PIP5K1B: variants seen among roughly 807,000 people sequenced by gnomAD.
PIP5K1B encodes phosphatidylinositol-4-phosphate 5-kinase type 1 beta, also known as phosphatidylinositol 4-phosphate 5-kinase type-1 beta.
A neutral mutation model predicts 67.0 loss-of-function variants in PIP5K1B; 42 were observed. The ratio of observed to expected loss-of-function variants is 0.63; its 90% CI spans 0.49 to 0.81. The LOEUF (loss-of-function observed/expected upper bound fraction) is 0.81, where lower values mean the gene tolerates loss of function less well. Among genes scored for constraint, PIP5K1B ranks in the 30% least tolerant of loss-of-function variants. PIP5K1B has a pLI of 0.00. For synonymous variants in PIP5K1B, 214 were observed against 231.4 expected (o/e 0.92, Z 0.68); for missense variants, 459 against 646.3 (o/e 0.71, Z 3.14).
At chr9:68,787,244 C>G (rs1831677487) in intron 2 of PIP5K1B, among the ~76,000 whole-genome samples, 1 of 152,210 alleles carries the variant, frequency 6.6e-6, no homozygotes, top group Admixed American at 6.5e-5. Context: ...AGGCCACCTT[C>G]TCACTGACGA....
At chr9:69,004,337 T>TGTGTG (rs1564311765) in intron 15 of PIP5K1B, among the ~76,000 whole-genome samples, 9,007 of 148,260 alleles carry the variant, frequency 0.061, 329 homozygotes, top group Middle Eastern at 0.083. Context: ...GTGTGTGTTT[T>TGTGTG]TGTGTGTGTG....
chr9:68,957,344 T>G (rs1466440135), intron 14 of PIP5K1B, among the ~76,000 whole-genome samples: 1 of 152,014 alleles, frequency 6.6e-6, no homozygotes, highest in East Asian at 1.9e-4. Flanking sequence ...TGGCCAGAAG[T>G]GGATCGCATG....
chr9:68,723,695 G>GTTTTTTTTTTTTT (rs36021674), intron 1 of PIP5K1B, among the ~76,000 whole-genome samples: 13 of 50,128 alleles, frequency 2.6e-4, no homozygotes, highest in South Asian at 9.8e-4. Context: ...GAAGTATTTG[G>GTTTTTTTTTTTTT]TTTTTTTTTT....
intron 4 of PIP5K1B, among the ~76,000 whole-genome samples, chr9:68,841,331 C>T (rs890821671): frequency 1.3e-5 from 2 of 152,168 alleles, no homozygotes; most frequent in African/African-American, 4.8e-5. Flanking sequence ...ACGATGTGGC[C>T]CCCTTCATTT....
chr9:68,971,224 T>TA (rs2132826380), intron 14 of PIP5K1B, among the ~76,000 whole-genome samples: 1 of 152,282 alleles, frequency 6.6e-6, no homozygotes, highest in Non-Finnish European at 1.5e-5. Context: ...AATTCCCACT[T>TA]ACGAGTGAGA....
chr9:68,822,504 C>A, intron 3 of PIP5K1B, 111 bp from the exon 4 acceptor site: 1 of 718,142 alleles, frequency 1.4e-6, no homozygotes, highest in Non-Finnish European at 2.3e-6. Flanking sequence ...ACAGCAATAG[C>A]AATAACAAAA....
intron 4 of PIP5K1B, among the ~76,000 whole-genome samples, chr9:68,844,841 T>C (rs189669480): frequency 6.6e-6 from 1 of 152,328 alleles, no homozygotes; most frequent in African/African-American, 2.4e-5. Context: ...GAAAAATGAC[T>C]GCCTGTTCTC....
At chr9:68,777,190 C>A (rs914167279) in intron 2 of PIP5K1B, among the ~76,000 whole-genome samples, 1 of 152,172 alleles carries the variant, frequency 6.6e-6, no homozygotes, top group African/African-American at 2.4e-5. Flanking sequence ...TAATAGAGTT[C>A]TCTTCCCTTT....
chr9:68,936,996 G>A (rs1048567643), intron 13 of PIP5K1B, among the ~76,000 whole-genome samples: 1 of 152,132 alleles, frequency 6.6e-6, no homozygotes, highest in African/African-American at 2.4e-5. Flanking sequence ...TTGATGTGCC[G>A]CTAGATTCGG....
intron 2 of PIP5K1B, among the ~76,000 whole-genome samples, chr9:68,756,031 CTAT>C (rs1829908270): frequency 6.6e-6 from 1 of 152,312 alleles, no homozygotes; most frequent in African/African-American, 2.4e-5. Context: ...TGATTACAGA[CTAT>C]TAACAGTGTA....
chr9:68,706,992 G>A (rs1179975565), intron 1 of PIP5K1B, among the ~76,000 whole-genome samples: 1 of 152,322 alleles, frequency 6.6e-6, no homozygotes, highest in East Asian at 1.9e-4. Flanking sequence ...AAGTAGGGTA[G>A]TGTTCATGGA....
rs1823221906 is a variant in PIP5K1B at position 68,863,787 on chromosome 9, C to T, written c.70-50C>T. The T allele has an allele frequency of 1.9e-6, 3 of 1,568,058 alleles. No homozygotes were observed. The Admixed American group carries it at 5.2e-5, about 27-fold the overall frequency. On this transcript the variant is annotated intron_variant, in intron 4 of 15. Transcript: ENST00000265382. The stretch of plus-strand genomic sequence containing the variant: ...ATGTTTTGTTGCCTGTACCATTGAA[C>T]AAGGCCCTGACTGTTAAGACTAATG...
At chr9:68,925,403 A>G (rs1248767753) in intron 12 of PIP5K1B, among the ~76,000 whole-genome samples, 2 of 152,162 alleles carry the variant, frequency 1.3e-5, no homozygotes, top group Non-Finnish European at 1.5e-5. Context: ...TTTTTAAATT[A>G]TGCCACTCTG....
At chr9:68,952,990 CAG>C (rs1782710610) in intron 14 of PIP5K1B, among the ~76,000 whole-genome samples, 1 of 152,116 alleles carries the variant, frequency 6.6e-6, no homozygotes, top group South Asian at 2.1e-4. Context: ...GCTAAGCACT[CAG>C]GGGACCTTTT....
At chr9:68,825,550 A>C (rs1289414343) in intron 4 of PIP5K1B, among the ~76,000 whole-genome samples, 1 of 152,206 alleles carries the variant, frequency 6.6e-6, no homozygotes, top group African/African-American at 2.4e-5. Flanking sequence ...AAATACCTTA[A>C]ATTTCTTTCC....
intron 14 of PIP5K1B, chr9:68,963,042 G>T: frequency 5.7e-6 from 2 of 350,978 alleles, no homozygotes; most frequent in Admixed American, 3.4e-5. Flanking sequence ...TCATTGCATC[G>T]ATGAAAGAAA....
At chr9:68,777,472 A>G (rs1435387985) in intron 2 of PIP5K1B, among the ~76,000 whole-genome samples, 1 of 152,220 alleles carries the variant, frequency 6.6e-6, no homozygotes, top group Non-Finnish European at 1.5e-5. Flanking sequence ...GAGAACTGCA[A>G]TTGCTTTTTA....
chr9:68,993,002 C>G (rs1207546843), intron 15 of PIP5K1B, among the ~76,000 whole-genome samples: 1 of 151,828 alleles, frequency 6.6e-6, no homozygotes, highest in Non-Finnish European at 1.5e-5. Flanking sequence ...ACTAAAAATA[C>G]AGAGGAAAAA....
chr9:68,730,828 C>T (rs918445913), intron 1 of PIP5K1B, among the ~76,000 whole-genome samples: 4 of 152,072 alleles, frequency 2.6e-5, no homozygotes, highest in Admixed American at 1.3e-4. Flanking sequence ...AAATTCAAAT[C>T]GACTAGGTTG....
Sources: gnomAD v4.1 joint callset for allele counts (sites outside exome capture counted in the v4.1 genomes callset) on GRCh38, gnomAD v4.1.1 for gene constraint, MANE v1.5 for transcripts, NCBI Gene and HGNC (gene_info 2026-07-23, HGNC 2026-07-21) for gene names.